C8orf74: variants seen among roughly 807,000 people sequenced by gnomAD.
The protein encoded by C8orf74 is uncharacterized protein C8orf74.
Under a neutral mutation model 22.2 loss-of-function variants are expected in C8orf74, and 29 were observed. The observed-to-expected ratio is 1.31, with a 90% confidence interval of 0.97 to 1.78. The LOEUF (loss-of-function observed/expected upper bound fraction) is 1.78. Among genes scored for constraint, C8orf74 ranks in the 40% most tolerant of loss-of-function variants. The pLI, the probability that C8orf74 is intolerant of heterozygous loss-of-function variation, is 0.00. For synonymous variants in C8orf74, 255 were observed against 163.1 expected, an observed-to-expected ratio of 1.56 and a Z score of -4.30; for missense variants, 515 against 369.9, an observed-to-expected ratio of 1.39 and a Z score of -3.22.
intron 2 of C8orf74, among the ~76,000 whole-genome samples, chr8:10,685,429 G>C (rs576421790): frequency 1.3e-5 from 2 of 152,230 alleles, no homozygotes; most frequent in African/African-American, 4.8e-5. Flanking sequence ...AGCAGAATGT[G>C]ATCTATCCAT....
intron 3 of C8orf74, 107 bp downstream of exon 3, chr8:10,698,112 G>A: frequency 8.8e-7 from 1 of 1,134,154 alleles, no homozygotes; most frequent in East Asian, 2.7e-5. Context: ...ACAGGGGAGG[G>A]GGAGAGATGC....
At chr8:10,690,605 G>A (rs922256188) in intron 2 of C8orf74, among the ~76,000 whole-genome samples, 3 of 152,096 alleles carry the variant, frequency 2.0e-5, no homozygotes, top group African/African-American at 4.8e-5. Flanking sequence ...GGTTTATCGG[G>A]GTACCTGAGT....
intron 2 of C8orf74, among the ~76,000 whole-genome samples, chr8:10,694,881 T>C (rs1799456343): frequency 6.6e-6 from 1 of 151,820 alleles, no homozygotes; most frequent in Non-Finnish European, 1.5e-5. Context: ...GATGAATGAA[T>C]GGATGGAAGA....
chr8:10,697,465 A>G (rs989006264), intron 2 of C8orf74, 134 bp from the exon 3 acceptor site: 4 of 710,652 alleles, frequency 5.6e-6, no homozygotes, highest in African/African-American at 3.6e-5. Flanking sequence ...AATAAATAGA[A>G]ATAAATATTT....
At chr8:10,699,793 T>A (rs751108298) in intron 3 of C8orf74, among the ~76,000 whole-genome samples, 9 of 152,200 alleles carry the variant, frequency 5.9e-5, no homozygotes, top group Non-Finnish European at 1.2e-4. Flanking sequence ...GGTATCCAGA[T>A]GGAGCCTGCA....
chr8:10,698,026 C>T (rs766525640), intron 3 of C8orf74, 21 bp downstream of exon 3: 4 of 1,448,440 alleles, frequency 2.8e-6, no homozygotes, highest in Non-Finnish European at 3.6e-6. Context: ...GCCCCCCTGC[C>T]GTGGGTGGGC....
At chr8:10,684,922 T>C (rs953468263) in intron 2 of C8orf74, among the ~76,000 whole-genome samples, 1 of 152,152 alleles carries the variant, frequency 6.6e-6, no homozygotes, top group African/African-American at 2.4e-5. Flanking sequence ...CGACGGCCCA[T>C]CTGATAACGG....
chr8:10,696,598 C>A (rs1799506835), intron 2 of C8orf74, among the ~76,000 whole-genome samples: 1 of 151,932 alleles, frequency 6.6e-6, no homozygotes, highest in African/African-American at 2.4e-5. Context: ...CAGGCACCTG[C>A]CACTACACTC....
At chr8:10,679,709 C>T (rs1162386677) in intron 2 of C8orf74, among the ~76,000 whole-genome samples, 1 of 152,232 alleles carries the variant, frequency 6.6e-6, no homozygotes, top group Non-Finnish European at 1.5e-5. Flanking sequence ...CTCCCACCTG[C>T]GTTTCTGCAG....
At chr8:10,696,238 G>A (rs571761842) in intron 2 of C8orf74, among the ~76,000 whole-genome samples, 1 of 152,030 alleles carries the variant, frequency 6.6e-6, no homozygotes, top group African/African-American at 2.4e-5. Context: ...AGGAGTGAAG[G>A]GGAGAGGAGG....
rs1799333124 is a variant in C8orf74, at chr8:10,689,659, A to G, written c.242-7940A>G. The stretch of plus-strand genomic sequence containing the variant: ...ACTTACTCATAGCCTACCGTTGACC[A>G]GAAGCTTACTGATAATATAAACAGT... On this transcript the variant is annotated intron_variant, in intron 2 of 3. Transcript: ENST00000304519. The G allele has an allele frequency of 2.6e-5, 4 of 152,364 alleles. No individual in the cohort carries two copies. In the South Asian group the frequency reaches 6.2e-4, roughly 24 times the overall value. The allele number at this position is 152,364 out of a possible 1,614,324, so 9.4% of individuals were successfully genotyped here.
intron 2 of C8orf74, chr8:10,687,160 T>A: frequency 2.2e-6 from 1 of 456,068 alleles, no homozygotes; most frequent in Non-Finnish European, 4.4e-6. Context: ...ACGGTGACAA[T>A]GGCATTACTT....
chr8:10,673,041 C>G (rs1001104552), intron 1 of C8orf74, among the ~76,000 whole-genome samples: 3 of 152,150 alleles, frequency 2.0e-5, no homozygotes, highest in African/African-American at 7.2e-5. Flanking sequence ...GGGGGAGGCT[C>G]TGCTGCTTTC....
intron 2 of C8orf74, chr8:10,691,189 G>A (rs1487310447): frequency 8.8e-6 from 3 of 342,474 alleles, no homozygotes; most frequent in East Asian, 1.5e-4. Flanking sequence ...CTCCTTCCCT[G>A]TTGACCCAGG....
In C8orf74 at chr8:10,697,666, C is replaced by T. The variant is rs140840652; in HGVS notation, c.309C>T (p.Asn103=). The change falls in exon 3 of 4, where the codon AAC becomes AAT. Residue 103 remains asparagine, a synonymous_variant. Transcript: ENST00000304519. ...NKLRDYRGHF[N]TTHLLALCDY... ...TTAGAGATTACCGGGGCCATTTCAA[C>T]ACCACCCACCTGCTGGCCCTCTGTG... 5.0e-6 allele frequency: 8 copies of T among 1,614,006 alleles called. No homozygotes were observed. In the African/African-American group the frequency reaches 6.7e-5, roughly 13 times the overall value.
chr8:10,691,699 C>G, intron 2 of C8orf74: 1 of 152,498 alleles, frequency 6.6e-6, no homozygotes, highest in Admixed American at 6.5e-5. Context: ...TGGGATGGCC[C>G]CAACCTCTCA....
intron 2 of C8orf74, among the ~76,000 whole-genome samples, chr8:10,675,200 C>T (rs1799007307): frequency 1.3e-5 from 2 of 152,226 alleles, no homozygotes; most frequent in Non-Finnish European, 2.9e-5. Context: ...GCACGTTGTT[C>T]CTGGTAGGAG....
rs75576250 is a variant in C8orf74, at chr8:10,678,970, C to G, written c.241+4132C>G. 0.011 allele frequency among the ~76,000 whole-genome samples: 1,667 copies of G among 152,294 alleles called. 105 individuals are homozygous for G. In the East Asian group the frequency reaches 0.14, roughly 13 times the overall value. On this transcript the variant is annotated intron_variant, in intron 2 of 3. Coordinates refer to ENST00000304519, the MANE Select transcript of C8orf74 (RefSeq NM_001040032.2). Reference sequence around the variant, plus strand: ...AACAAGCCCTGCAGTCCCCCAGATGCCGAGGGTAGAATTCCAGCTGCACCT... The same window carrying G: ...AACAAGCCCTGCAGTCCCCCAGATGGCGAGGGTAGAATTCCAGCTGCACCT...
At chr8:10,696,947 C>A (rs1799529985) in intron 2 of C8orf74, among the ~76,000 whole-genome samples, 2 of 142,326 alleles carry the variant, frequency 1.4e-5, no homozygotes. Flanking sequence ...ATAGCTTATG[C>A]CCAGGAGTTC....
Sources: allele counts gnomAD v4.1 joint callset (sites outside exome capture counted in the v4.1 genomes callset), GRCh38; gene constraint gnomAD v4.1.1; transcripts MANE v1.5; gene names NCBI Gene and HGNC (gene_info 2026-07-23, HGNC 2026-07-21).